Variants in CIDEA observed in about 807,000 individuals in gnomAD.
CIDEA encodes lipid transferase CIDEA.
In CIDEA, 10 loss-of-function variants were observed where a neutral mutation model predicts 18.2. The ratio of observed to expected loss-of-function variants is 0.55; its 90% CI spans 0.34 to 0.93. The LOEUF (loss-of-function observed/expected upper bound fraction) is 0.93, where lower values mean the gene tolerates loss of function less well. CIDEA is among the 40% of genes least tolerant of loss of function. The pLI is 0.02. For synonymous variants in CIDEA, 128 were observed against 124.8 expected (o/e 1.03, Z -0.17); for missense variants, 309 against 293.1 (o/e 1.05, Z -0.40).
chr18:12,274,289 G>T lies in CIDEA; in HGVS notation c.512+15G>T. 6.2e-7 allele frequency: 1 copy of T among 1,613,574 alleles called. No individual in the cohort carries two copies. The highest frequency in any genetic ancestry group is 1.3e-5 in the African/African-American group (1 of 75,014). On this transcript the variant is annotated intron_variant, in intron 4 of 4. Transcript: ENST00000320477. ...GGCCTGCTGAGGTAACACACTCCAGGGGTCACCTCCGGGGGTCTGCAGACT... is the reference window on the plus strand; with the variant it reads ...GGCCTGCTGAGGTAACACACTCCAGTGGTCACCTCCGGGGGTCTGCAGACT...
At chr18:12,268,254 A>ATTTTTTTTTTTTTTTT (rs1912411367) in intron 3 of CIDEA, among the ~76,000 whole-genome samples, 1 of 51,060 alleles carries the variant, frequency 2.0e-5, no homozygotes, top group Non-Finnish European at 3.8e-5. Context: ...TTTTTTTTTC[A>ATTTTTTTTTTTTTTTT]TTTTTAGTAG....
rs11873767 is a variant in CIDEA at position 12,260,871 on chromosome 18, C to A, written c.39-1954C>A. 4.7e-3 allele frequency among the ~76,000 whole-genome samples: 709 copies of A among 152,272 alleles called. 5 individuals are homozygous for A. Among genetic ancestry groups the A allele is most frequent in the African/African-American group, 0.017 (690 of 41,548 alleles). ...TTTCATTCTCTTGAATGTCCGTGTA[C>A]AAGCATTTGTCCAAATAGCCACTAA... On this transcript the variant is annotated intron_variant, in intron 1 of 4. Transcript: ENST00000320477.
chr18:12,274,677 T>C (rs972752520), intron 4 of CIDEA, among the ~76,000 whole-genome samples: 8 of 152,220 alleles, frequency 5.3e-5, no homozygotes, highest in Non-Finnish European at 1.2e-4. Context: ...GTATCTCCTG[T>C]ACTCCTGATA....
Position 12,264,317 on chromosome 18 carries a change from C to A in CIDEA, c.194C>A (p.Ala65Asp). ...GTGTTGCACACCTAGACTCTGGATG[C>A]CCTCGTCATCGCTACCGGACTGGTC... The part of the protein sequence containing the change: ...LQELISKTLD[A>D]LVIATGLVTL... The change falls in exon 3 of 5, where the codon GCC (alanine) becomes GAC (aspartate). Residue 65 changes from alanine to aspartate, a missense_variant. Physicochemically the swap from Ala to Asp is moderately radical, Grantham distance 126. Transcript: ENST00000320477. 1 of 1,607,276 alleles carries A rather than the reference C, an allele frequency of 6.2e-7. No homozygotes were observed. The highest frequency in any genetic ancestry group is 8.5e-7 in the Non-Finnish European group (1 of 1,177,358).
chr18:12,256,950 T>C (rs1304891736), intron 1 of CIDEA, among the ~76,000 whole-genome samples: 2 of 151,686 alleles, frequency 1.3e-5, no homozygotes, highest in African/African-American at 4.8e-5. Flanking sequence ...ATCTGGGGGG[T>C]AGGTGTGCTC....
intron 3 of CIDEA, among the ~76,000 whole-genome samples, chr18:12,268,618 G>A (rs1043915616): frequency 9.2e-5 from 14 of 151,598 alleles, no homozygotes; most frequent in African/African-American, 3.2e-4. Context: ...CAAACTCCTG[G>A]TTTCAAGCTC....
intron 3 of CIDEA, 134 bp downstream of exon 3, chr18:12,264,587 T>G (rs1912293080): frequency 1.5e-6 from 1 of 683,706 alleles, no homozygotes; most frequent in African/African-American, 1.9e-5. Flanking sequence ...GGAGTCTCGC[T>G]CTGTCACCCA....
At chr18:12,270,501 C>T (rs1037128681) in intron 3 of CIDEA, among the ~76,000 whole-genome samples, 6 of 151,892 alleles carry the variant, frequency 4.0e-5, no homozygotes, top group African/African-American at 1.5e-4. Context: ...CCAGCCTGGC[C>T]CACGGGGTGA....
At chr18:12,254,582 G>A (rs1911963318) in intron 1 of CIDEA, 161 bp downstream of exon 1, 1 of 1,528,750 alleles carries the variant, frequency 6.5e-7, no homozygotes, top group Non-Finnish European at 8.8e-7. Flanking sequence ...ACACCCATCC[G>A]CCCCACTGGT....
At chr18:12,273,985 G>A in intron 3 of CIDEA, 108 bp from the exon 4 acceptor site, 1 of 1,228,244 alleles carries the variant, frequency 8.1e-7, no homozygotes, top group African/African-American at 1.5e-5. Flanking sequence ...GCCGCTCACA[G>A]ACCTTAAACA....
chr18:12,263,379 C>T (rs1369582615), intron 2 of CIDEA, among the ~76,000 whole-genome samples: 1 of 152,112 alleles, frequency 6.6e-6, no homozygotes, highest in African/African-American at 2.4e-5. Context: ...GTGAATTATA[C>T]ATCAGTAAAG....
chr18:12,272,149 T>TGTGGG (rs1555662634), intron 3 of CIDEA, among the ~76,000 whole-genome samples: 10 of 7,492 alleles, frequency 1.3e-3, no homozygotes, highest in African/African-American at 3.4e-3. Flanking sequence ...AGTGTGTGTG[T>TGTGGG]GGGGGGGGGG....
At chr18:12,258,715 G>A (rs1912107486) in intron 1 of CIDEA, among the ~76,000 whole-genome samples, 1 of 152,234 alleles carries the variant, frequency 6.6e-6, no homozygotes, top group South Asian at 2.1e-4. Context: ...CTGCCCTGAC[G>A]ATTCGCCTCC....
chr18:12,271,134 G>T (rs1271332375), intron 3 of CIDEA, among the ~76,000 whole-genome samples: 5 of 151,992 alleles, frequency 3.3e-5, no homozygotes, highest in Non-Finnish European at 5.9e-5. Flanking sequence ...CCTGACCTCA[G>T]GCGATCCACC....
In CIDEA at chr18:12,264,290, A is replaced by G; in HGVS notation, c.184-17A>G. 1.3e-6 allele frequency: 2 copies of G among 1,570,754 alleles called. No homozygotes were observed. Among genetic ancestry groups the G allele is most frequent in the Non-Finnish European group, 1.7e-6 (2 of 1,160,528 alleles). On this transcript the variant is annotated splice_polypyrimidine_tract_variant and intron_variant, in intron 2 of 4. Coordinates refer to ENST00000320477, the MANE Select transcript of CIDEA (RefSeq NM_001279.4). ...TACCTGGCTTCACTCCATTTCTCTG[A>G]TGTGTTGCACACCTAGACTCTGGAT...
At chr18:12,273,143 C>T (rs905801040) in intron 3 of CIDEA, among the ~76,000 whole-genome samples, 1 of 152,092 alleles carries the variant, frequency 6.6e-6, no homozygotes, top group African/African-American at 2.4e-5. Context: ...TATGGTGGGA[C>T]AGGGGAATAA....
Position 12,274,764 on chromosome 18 carries a change from G to A in CIDEA, c.512+490G>A, listed in dbSNP as rs116283960. On this transcript the variant is annotated intron_variant, in intron 4 of 4. Transcript: ENST00000320477. ...GCCAGGGCACCGTCATCCCAAAGAC[G>A]AAGGCCAGGCTGGTTGCACAGCATC... 4.2e-3 allele frequency among the ~76,000 whole-genome samples: 642 copies of A among 152,288 alleles called. 6 individuals carry two copies. Among genetic ancestry groups the A allele is most frequent in the African/African-American group, 0.015 (627 of 41,558 alleles).
intron 3 of CIDEA, among the ~76,000 whole-genome samples, chr18:12,271,659 C>T (rs1018031960): frequency 2.0e-5 from 3 of 152,190 alleles, no homozygotes; most frequent in Non-Finnish European, 4.4e-5. Flanking sequence ...GTGGTGGGGG[C>T]GGTCGATGCC....
chr18:12,255,203 G>A (rs1598771964), intron 1 of CIDEA, among the ~76,000 whole-genome samples: 1 of 152,220 alleles, frequency 6.6e-6, no homozygotes, highest in Admixed American at 6.5e-5. Context: ...GTAAAGTAAG[G>A]TCTAAGAGGG....
Sources: gnomAD v4.1 joint callset for allele counts (sites outside exome capture counted in the v4.1 genomes callset) on GRCh38, gnomAD v4.1.1 for gene constraint, MANE v1.5 for transcripts, NCBI Gene and HGNC (gene_info 2026-07-23, HGNC 2026-07-21) for gene names.